The following SLC44A2 variants were observed in gnomAD, a reference collection of about 807,000 sequenced individuals.
The protein encoded by SLC44A2 is solute carrier family 44 member 2 (CTL2 blood group).
A neutral mutation model predicts 90.8 loss-of-function variants in SLC44A2; 57 were observed. That is an observed-to-expected ratio of 0.63 (90% CI 0.51 to 0.78). The LOEUF is 0.78. Ranked by LOEUF, SLC44A2 falls within the 30% of genes least tolerant of loss-of-function variation. SLC44A2 has a pLI of 0.00. For synonymous variants in SLC44A2, 355 were observed against 360.7 expected (o/e 0.98, Z 0.18); for missense variants, 794 against 919.7 (o/e 0.86, Z 1.77).
Position 10,643,506 on chromosome 19 carries a change from A to C in SLC44A2, c.*121A>C. On this transcript the variant is annotated 3_prime_UTR_variant, in exon 22 of 22. Coordinates refer to ENST00000335757, the MANE Select transcript of SLC44A2 (RefSeq NM_020428.4). Reference sequence around the variant, plus strand: ...TATCACTGCCGCTCTGCCCCTCCCCATGAGCCAGATCCCACCAGTTTCTGG... The same window carrying C: ...TATCACTGCCGCTCTGCCCCTCCCCCTGAGCCAGATCCCACCAGTTTCTGG... 1.7e-5 allele frequency: 19 copies of C among 1,142,100 alleles called. No individual in the cohort carries two copies. Among genetic ancestry groups the C allele is most frequent in the East Asian group, 5.4e-5 (2 of 36,972 alleles). 70.7% of individuals were successfully genotyped at this position (1,142,100 alleles called of 1,614,324 possible). A position where few individuals can be genotyped will look rare whatever the true frequency, so the allele number is the denominator to read the frequency against.
At chr19:10,625,403 C>G (rs998722660), upstream of SLC44A2, 4 of 1,144,070 alleles carry the variant, frequency 3.5e-6, no homozygotes, top group African/African-American at 6.4e-5. Context: ...TAAATGCGGC[C>G]GGCCGGTGAG....
intron 10 of SLC44A2, 145 bp downstream of exon 10, chr19:10,632,301 C>T (rs1338439310): frequency 7.8e-6 from 5 of 637,804 alleles, no homozygotes; most frequent in Non-Finnish European, 1.4e-5. Flanking sequence ...CTTTGGGAGG[C>T]CGAGGCAGGC....
rs577223114 is a variant in SLC44A2, at chr19:10,637,103, C to T, written c.1591+347C>T. On this transcript the variant is annotated intron_variant, in intron 16 of 21. Coordinates refer to ENST00000335757, the MANE Select transcript of SLC44A2 (RefSeq NM_020428.4). ...GGGCGCCGTGACTCACGCCTGTAAT[C>T]CCAGCACTTTGGGAGGCTGAGGCGA... The T allele has an allele frequency of 6.4e-5, 16 of 248,398 alleles. No individual in the cohort carries two copies. In the South Asian group the frequency reaches 8.0e-4, roughly 12 times the overall value. The allele number at this position is 248,398 out of a possible 1,614,324, so 15.4% of individuals were successfully genotyped here.
At chr19:10,643,160 G>T in intron 21 of SLC44A2, 119 bp from the exon 22 acceptor site, 1 of 1,463,316 alleles carries the variant, frequency 6.8e-7, no homozygotes, top group Non-Finnish European at 9.0e-7. Flanking sequence ...TCTGGTCCCA[G>T]TGTGTCTGCT....
At chr19:10,620,968 G>A (rs1292509692), upstream of SLC44A2, among the ~76,000 whole-genome samples, 1 of 152,018 alleles carries the variant, frequency 6.6e-6, no homozygotes, top group Non-Finnish European at 1.5e-5. Context: ...GAGCCTAGGA[G>A]GTTTAGGCTG....
chr19:10,630,207 C>T (rs994167844), intron 4 of SLC44A2, among the ~76,000 whole-genome samples: 17 of 152,008 alleles, frequency 1.1e-4, no homozygotes, highest in African/African-American at 4.1e-4. Context: ...AAAAATTAGC[C>T]AGGTGTGGTT....
At chr19:10,612,506 C>T (rs1453889229) in intron 1 of SLC44A2, among the ~76,000 whole-genome samples, 3 of 152,222 alleles carry the variant, frequency 2.0e-5, no homozygotes, top group Non-Finnish European at 4.4e-5. Context: ...CAGATGCTGT[C>T]CTCAAACCCT....
Position 10,643,652 on chromosome 19 carries a change from G to A in SLC44A2, c.*267G>A. Reference sequence around the variant, plus strand: ...TTGGGGCCTCTTGATGTCTGGGATGGCACGTGGCCCGACCTCCACAAGCTC... The same window carrying A: ...TTGGGGCCTCTTGATGTCTGGGATGACACGTGGCCCGACCTCCACAAGCTC... On this transcript the variant is annotated 3_prime_UTR_variant, in exon 22 of 22. Transcript: ENST00000335757. 1 of 306,944 alleles carries A rather than the reference G, an allele frequency of 3.3e-6. No individual in the cohort carries two copies. The highest frequency in any genetic ancestry group is 6.2e-6 in the Non-Finnish European group (1 of 162,492). 19.0% of individuals were successfully genotyped at this position (306,944 alleles called of 1,614,324 possible).
At chr19:10,639,065 C>A (rs4316871) in intron 20 of SLC44A2, among the ~76,000 whole-genome samples, 35 of 152,172 alleles carry the variant, frequency 2.3e-4, no homozygotes, top group African/African-American at 8.2e-4. Flanking sequence ...TCCCACAGTG[C>A]TGGGATTACA....
In SLC44A2 at chr19:10,636,684, T is replaced by A. The variant is rs1315857582; in HGVS notation, c.1519T>A (p.Phe507Ile). 6.2e-7 allele frequency: 1 copy of A among 1,613,630 alleles called. No homozygotes were observed. The change falls in exon 16 of 22, where the codon TTT (phenylalanine) becomes ATT (isoleucine). Residue 507 changes from phenylalanine (F) to isoleucine (I), a missense_variant. This residue lies in a region of SLC44A2 where 738 missense variants were observed against 841.1 expected (regional missense o/e 0.88). Transcript: ENST00000335757. ...CAGGTACCACACAGGCTCCCTGGCC[T>A]TTGGCGCGCTCATCCTGGCCATTGT... ...ALRYHTGSLA[F>I]GALILAIVQI... is the part of the protein sequence containing the mutation.
At position 10,627,777 on chromosome 19, in the gene SLC44A2, G is replaced by C; in HGVS notation, c.142G>C (p.Val48Leu). ...VFLLLAIVGYVAVGIIAWTHG... is the reference protein window; with the variant it reads ...VFLLLAIVGYLAVGIIAWTHG... ...CCTGCTCCTGGCCATTGTGGGCTAC[G>C]TGGCTGTAGGCATCATAGGTGAGTA... Residue 48 changes from valine (V) to leucine (L), a missense_variant, in exon 3 of 22, where the codon GTG becomes CTG. By Grantham distance (32) the Val-to-Leu change is conservative. Coordinates refer to ENST00000335757, the MANE Select transcript of SLC44A2 (RefSeq NM_020428.4). 6.2e-7 allele frequency: 1 copy of C among 1,614,058 alleles called. No individual in the cohort carries two copies. The highest frequency in any genetic ancestry group is 1.1e-5 in the South Asian group (1 of 91,084).
intron 16 of SLC44A2, 157 bp from the exon 17 acceptor site, chr19:10,637,487 C>A: frequency 1.5e-6 from 1 of 654,678 alleles, no homozygotes; most frequent in Non-Finnish European, 2.7e-6. Flanking sequence ...TCATAGCTCA[C>A]TGCAGCCTCA....
Position 10,608,142 on chromosome 19 carries a change from G to A in SLC44A2, c.31+5581G>A, listed in dbSNP as rs1426040222. On this transcript the variant is annotated intron_variant, in intron 1 of 21. Coordinates refer to the SLC44A2 transcript ENST00000407327. Reference sequence around the variant, plus strand: ...GGAGGCTGAGGCAGGAGAATCGCTTGAACCCAGGAGGTGGAGGTTGTAGTG... The same window carrying A: ...GGAGGCTGAGGCAGGAGAATCGCTTAAACCCAGGAGGTGGAGGTTGTAGTG... Among the ~76,000 whole-genome samples, 3 of 151,286 alleles carry A rather than the reference G, an allele frequency of 2.0e-5. No individual in the cohort carries two copies. The East Asian group carries it at 6.0e-4, about 30-fold the overall frequency.
chr19:10,634,782 T>TC lies in SLC44A2; in HGVS notation c.853dup (p.Arg285ProfsTer5). On this transcript the variant is annotated frameshift_variant, in exon 11 of 22. Coordinates refer to ENST00000335757, the MANE Select transcript of SLC44A2 (RefSeq NM_020428.4). LOFTEE classifies it high-confidence loss of function. Reference sequence around the variant, plus strand: ...AATATTTCACTGCTACATGGAGTACTCCCGACTGCGTGGTGAGGCCGGCTC... The same window carrying TC: ...AATATTTCACTGCTACATGGAGTACTCCCCGACTGCGTGGTGAGGCCGGCTC... 6.2e-7 allele frequency: 1 copy of TC among 1,614,192 alleles called. No homozygotes were observed. The highest frequency in any genetic ancestry group is 8.5e-7 in the Non-Finnish European group (1 of 1,180,042).
intron 21 of SLC44A2, chr19:10,642,952 C>G (rs531399212): frequency 1.3e-6 from 2 of 1,593,260 alleles, no homozygotes; most frequent in South Asian, 1.1e-5. Context: ...TCATGTCGCC[C>G]GAGCTGAGAG....
At chr19:10,619,063 T>C (rs58198898) in intron 1 of SLC44A2, among the ~76,000 whole-genome samples, 9,349 of 149,210 alleles carry the variant, frequency 0.063, 383 homozygotes, top group South Asian at 0.12. Flanking sequence ...CTGAACCTCC[T>C]GGGCTGACGT....
At chr19:10,610,897 C>T (rs1918281398) in intron 1 of SLC44A2, among the ~76,000 whole-genome samples, 2 of 151,610 alleles carry the variant, frequency 1.3e-5, no homozygotes, top group African/African-American at 4.8e-5. Context: ...GCCTCGGCCT[C>T]CCAAAGTGCT....
In SLC44A2 at chr19:10,615,360, G is replaced by C. The variant is rs563489606; in HGVS notation, c.32-10893G>C. ...AGGCCAAGGTGGGAGGATCACTTGA[G>C]GTCAGGAGTTTGAGACCAGCCTGGC... On this transcript the variant is annotated intron_variant, in intron 1 of 21. Coordinates refer to the SLC44A2 transcript ENST00000407327. Among the ~76,000 whole-genome samples, 15 of 152,034 alleles carry C rather than the reference G, an allele frequency of 9.9e-5. No homozygotes were observed. The South Asian group carries it at 3.1e-3, about 32-fold the overall frequency.
intron 14 of SLC44A2, 107 bp downstream of exon 14, chr19:10,635,622 G>T: frequency 1.0e-6 from 1 of 1,000,996 alleles, no homozygotes. Context: ...GGCCCCTGTT[G>T]CATGTCCTGT....
Sources: gnomAD v4.1 joint callset for allele counts (sites outside exome capture counted in the v4.1 genomes callset) on GRCh38, gnomAD v4.1.1 for gene constraint, gnomAD v4.1.1 regional missense constraint, MANE v1.5 for transcripts, NCBI Gene and HGNC (gene_info 2026-07-23, HGNC 2026-07-21) for gene names.